SYNE1: variants seen among roughly 807,000 people sequenced by gnomAD.
SYNE1 encodes the protein nesprin-1.
In SYNE1, 616 loss-of-function variants were observed where a neutral mutation model predicts 1,111.0. The observed-to-expected ratio is 0.55, with a 90% CI of 0.52 to 0.59. The LOEUF (loss-of-function observed/expected upper bound fraction) is 0.59, where lower values mean the gene tolerates loss of function less well. SYNE1 is among the 20% of genes least tolerant of loss of function. The pLI is 0.00. For synonymous variants in SYNE1, 3,855 were observed against 3,825.8 expected (o/e 1.01, Z -0.28); for missense variants, 10,006 against 10,417.0 (o/e 0.96, Z 1.72).
At position 152,140,266 on chromosome 6, in the gene SYNE1, GA is replaced by G. The variant is rs1399519810; in HGVS notation, c.25247-106del. 112 of 1,126,584 alleles carry G rather than the reference GA, an allele frequency of 9.9e-5. 1 individual carries two copies. The Admixed American group carries it at 1.9e-3, about 19-fold the overall frequency. The allele number at this position is 1,126,584 out of a possible 1,614,324, so 69.8% of individuals were successfully genotyped here. On this transcript the variant is annotated intron_variant, in intron 139 of 145. Transcript: ENST00000367255. ...AGCCAATTTTAAATAGCAACAGAAA[GA>G]AAAGTAATTCCACTGGGCATTTTCG...
intron 139 of SYNE1, among the ~76,000 whole-genome samples, chr6:152,140,727 C>T (rs566960536): frequency 6.6e-6 from 1 of 152,270 alleles, no homozygotes; most frequent in South Asian, 2.1e-4. Context: ...CATGCATCAT[C>T]CCCTCACTGT....
intron 4 of SYNE1, among the ~76,000 whole-genome samples, chr6:152,539,562 T>C (rs540780138): frequency 1.4e-4 from 22 of 152,206 alleles, no homozygotes; most frequent in Admixed American, 2.6e-4. Flanking sequence ...ACTATCATAA[T>C]ATCTTTAGCT....
chr6:152,344,021 A>AT (rs1164767271), intron 74 of SYNE1, 60 bp downstream of exon 74: 17 of 1,610,808 alleles, frequency 1.1e-5, no homozygotes, highest in Non-Finnish European at 1.3e-5. Context: ...TACTTCACAC[A>AT]TTTTCACTGA....
intron 130 of SYNE1, among the ~76,000 whole-genome samples, chr6:152,173,309 T>TA (rs1180216258): frequency 5.3e-5 from 8 of 152,366 alleles, no homozygotes; most frequent in African/African-American, 1.4e-4. Context: ...GATTGAATAT[T>TA]AAAGACACAG....
chr6:152,579,549 C>T (rs1006848527), intron 3 of SYNE1, among the ~76,000 whole-genome samples: 1 of 152,042 alleles, frequency 6.6e-6, no homozygotes, highest in Non-Finnish European at 1.5e-5. Flanking sequence ...TCAGGGGGTG[C>T]ATGTACAGGT....
intron 98 of SYNE1, among the ~76,000 whole-genome samples, chr6:152,269,500 G>A (rs751352081): frequency 1.3e-5 from 2 of 152,124 alleles, no homozygotes; most frequent in Admixed American, 1.3e-4. Context: ...ATCACACATA[G>A]AACTGTTTGA....
intron 66 of SYNE1, among the ~76,000 whole-genome samples, chr6:152,357,464 C>G (rs2096857259): frequency 6.6e-6 from 1 of 152,168 alleles, no homozygotes; most frequent in Admixed American, 6.5e-5. Context: ...TAAGTTCCAA[C>G]ACATCACTGG....
intron 128 of SYNE1, among the ~76,000 whole-genome samples, chr6:152,188,106 T>G (rs2070779738): frequency 6.6e-6 from 1 of 152,210 alleles, no homozygotes; most frequent in African/African-American, 2.4e-5. Flanking sequence ...CTAGACTGAT[T>G]TTAGTCTCAG....
At position 152,281,790 on chromosome 6, in the gene SYNE1, T is replaced by C; in HGVS notation, c.18381+17A>G. The C allele has an allele frequency of 6.2e-7, 1 of 1,614,156 alleles. No homozygotes were observed. Among genetic ancestry groups the C allele is most frequent in the South Asian group, 1.1e-5 (1 of 91,078 alleles). ...GCTTCATGATGTTGACATATTCCTT[T>C]GAGACCATTTTGGTACCTGGCAGTC... On this transcript the variant is annotated intron_variant, in intron 97 of 145. Transcript: ENST00000367255.
chr6:152,449,430 A>AT (rs370501968), intron 28 of SYNE1, 103 bp downstream of exon 28: 115 of 904,782 alleles, frequency 1.3e-4, no homozygotes, highest in Non-Finnish European at 1.7e-4. Flanking sequence ...TCAAGAACTT[A>AT]TTTTTTTTCC....
chr6:152,409,856 G>A (rs889959537), intron 42 of SYNE1, 147 bp from the exon 43 acceptor site: 1 of 836,484 alleles, frequency 1.2e-6, no homozygotes, highest in South Asian at 1.6e-5. Context: ...TAGTGCTGCT[G>A]GTTAATCCTA....
intron 29 of SYNE1, 85 bp from the exon 30 acceptor site, chr6:152,444,663 CAAAT>C: frequency 1.6e-6 from 2 of 1,236,224 alleles, no homozygotes; most frequent in Non-Finnish European, 1.1e-6. Flanking sequence ...GTATGATTGA[CAAAT>C]AAACATTGTA....
chr6:152,454,328 C>T (rs62427036), intron 24 of SYNE1, among the ~76,000 whole-genome samples: 22,681 of 152,138 alleles, frequency 0.15, 1,935 homozygotes, highest in East Asian at 0.43. Context: ...TGGTTAGGTT[C>T]AGATGAGGTC....
At chr6:152,497,179 T>A (rs934531811) in intron 11 of SYNE1, among the ~76,000 whole-genome samples, 35 of 152,204 alleles carry the variant, frequency 2.3e-4, no homozygotes, top group African/African-American at 8.0e-4. Flanking sequence ...ACTCCTTATG[T>A]ATCTTTTTAA....
At position 152,406,974 on chromosome 6, in the gene SYNE1, A is replaced by G. The variant is rs1265565545; in HGVS notation, c.6723+40T>C. ...TTTTTTTTTCATATTCTGGTCAACA[A>G]TATGCCACCAGCTGCCATATGTCAA... On this transcript the variant is annotated intron_variant, in intron 45 of 145. Coordinates refer to ENST00000367255, the MANE Select transcript of SYNE1 (RefSeq NM_182961.4). 5.7e-6 allele frequency: 9 copies of G among 1,585,394 alleles called. No individual in the cohort carries two copies. In the Admixed American group the frequency reaches 1.2e-4, roughly 21 times the overall value.
intron 61 of SYNE1, 58 bp downstream of exon 61, chr6:152,368,914 C>G (rs2097130896): frequency 1.2e-6 from 2 of 1,612,064 alleles, no homozygotes; most frequent in African/African-American, 2.7e-5. Flanking sequence ...GAACCTGCTG[C>G]AACTCCAATT....
rs1460935434 is a variant in SYNE1 at position 152,369,546 on chromosome 6, A to T, written c.9576T>A (p.Thr3192=). ...AEPIQDWLSK[T]EKMVHESSNR... ...TGCTGCTTTCATGGACCATCTTCTC[A>T]GTTTTACTCAGCCAGTCCTGGATAG... Residue 3192 remains threonine, a synonymous_variant, in exon 60 of 146, where the codon ACT becomes ACA. Transcript: ENST00000367255. The T allele has an allele frequency of 6.2e-7, 1 of 1,614,168 alleles. No individual in the cohort carries two copies. The highest frequency in any genetic ancestry group is 1.1e-5 in the South Asian group (1 of 91,074).
chr6:152,127,652 C>G (rs1256493960), intron 145 of SYNE1: 1 of 152,190 alleles, frequency 6.6e-6, no homozygotes, highest in African/African-American at 2.4e-5. Flanking sequence ...CTATCGGAGC[C>G]TTACCCTACA....
chr6:152,583,406 T>G (rs2099526919), intron 3 of SYNE1, among the ~76,000 whole-genome samples: 1 of 152,188 alleles, frequency 6.6e-6, no homozygotes. Context: ...TACCTCACTG[T>G]ACTGAGCCCC....
Sources: gnomAD v4.1 joint callset for allele counts (sites outside exome capture counted in the v4.1 genomes callset) on GRCh38, gnomAD v4.1.1 for gene constraint, MANE v1.5 for transcripts, NCBI Gene and HGNC (gene_info 2026-07-23, HGNC 2026-07-21) for gene names.